Variants in ARHGAP42 observed in about 807,000 individuals in gnomAD.
ARHGAP42 encodes rho GTPase-activating protein 42.
ARHGAP42 carries 63 observed loss-of-function variants against 125.0 expected under a neutral mutation model. That is an observed-to-expected ratio of 0.50 (90% CI 0.41 to 0.62). The LOEUF is 0.62. Ranked by LOEUF, ARHGAP42 falls within the 20% of genes least tolerant of loss-of-function variation. The pLI is 0.00. For synonymous variants in ARHGAP42, 339 were observed against 351.0 expected, an observed-to-expected ratio of 0.97 and a Z score of 0.38; for missense variants, 766 against 1,024.2, an observed-to-expected ratio of 0.75 and a Z score of 3.44.
chr11:100,884,912 T>G (rs1679953777), intron 4 of ARHGAP42, among the ~76,000 whole-genome samples: 1 of 152,128 alleles, frequency 6.6e-6, no homozygotes, highest in South Asian at 2.1e-4. Context: ...CCTTGCAGAT[T>G]TAAATCCAGC....
intron 17 of ARHGAP42, among the ~76,000 whole-genome samples, chr11:100,970,038 G>C (rs753694012): frequency 6.6e-6 from 1 of 151,878 alleles, no homozygotes; most frequent in African/African-American, 2.4e-5. Context: ...ACCCAGGCTG[G>C]AGTGCAGTGG....
rs760216388 is a variant in ARHGAP42 at position 100,992,437 on chromosome 11, AT to A, written c.*3638del. On this transcript the variant is annotated 3_prime_UTR_variant, in exon 24 of 24. Coordinates refer to ENST00000298815, the MANE Select transcript of ARHGAP42 (RefSeq NM_152432.4). ...CTAAAGGTTTCCCCTTAGGGTACAC[AT>A]TGCTATTTAACTTTGCCTCCTACCC... 6.2e-7 allele frequency: 1 copy of A among 1,614,120 alleles called. No individual in the cohort carries two copies.
chr11:100,956,189 T>C (rs1472564922), intron 12 of ARHGAP42, among the ~76,000 whole-genome samples: 1 of 146,640 alleles, frequency 6.8e-6, no homozygotes. Context: ...GGACATCATA[T>C]TCCAGTTAAG....
chr11:100,894,650 TGC>T (rs1866299850), intron 4 of ARHGAP42, among the ~76,000 whole-genome samples: 1 of 152,200 alleles, frequency 6.6e-6, no homozygotes, highest in African/African-American at 2.4e-5. Flanking sequence ...TTATCATGTT[TGC>T]TTCACAAGCA....
intron 4 of ARHGAP42, among the ~76,000 whole-genome samples, chr11:100,872,470 A>G (rs1865719960): frequency 6.6e-6 from 1 of 151,986 alleles, no homozygotes; most frequent in Non-Finnish European, 1.5e-5. Flanking sequence ...ATCTCAGTTC[A>G]CTGCAACCTC....
intron 1 of ARHGAP42, among the ~76,000 whole-genome samples, chr11:100,699,138 G>A (rs1236727160): frequency 4.0e-5 from 6 of 151,880 alleles, no homozygotes; most frequent in African/African-American, 1.5e-4. Flanking sequence ...CCTAAACTTT[G>A]GGCCCGATTT....
At chr11:100,833,185 G>T (rs1359287641) in intron 3 of ARHGAP42, among the ~76,000 whole-genome samples, 1 of 152,142 alleles carries the variant, frequency 6.6e-6, no homozygotes, top group Non-Finnish European at 1.5e-5. Flanking sequence ...GGAAATTGAG[G>T]TTTGTACATT....
intron 16 of ARHGAP42, among the ~76,000 whole-genome samples, chr11:100,964,591 G>C (rs1346495603): frequency 6.6e-6 from 1 of 152,168 alleles, no homozygotes; most frequent in Non-Finnish European, 1.5e-5. Context: ...ATTTGGTATA[G>C]TGGGCAATCA....
chr11:100,948,302 T>C (rs1868076640), intron 10 of ARHGAP42, among the ~76,000 whole-genome samples, 155 bp from the exon 11 acceptor site: 1 of 152,122 alleles, frequency 6.6e-6, no homozygotes, highest in African/African-American at 2.4e-5. Context: ...TATACTTCAG[T>C]CTTTTTCTTT....
intron 4 of ARHGAP42, among the ~76,000 whole-genome samples, chr11:100,876,831 A>T (rs1400615326): frequency 2.6e-5 from 4 of 152,194 alleles, no homozygotes; most frequent in Admixed American, 2.6e-4. Flanking sequence ...CTGTATTTAG[A>T]GTTGATTTTA....
At chr11:100,772,896 G>A (rs747418774) in intron 2 of ARHGAP42, among the ~76,000 whole-genome samples, 2 of 152,174 alleles carry the variant, frequency 1.3e-5, no homozygotes, top group Admixed American at 6.5e-5. Context: ...GAGTGCAGTG[G>A]CATGATCTCG....
At chr11:100,971,234 ATAAT>A (rs1858236817) in intron 17 of ARHGAP42, among the ~76,000 whole-genome samples, 1 of 152,110 alleles carries the variant, frequency 6.6e-6, no homozygotes, top group Non-Finnish European at 1.5e-5. Context: ...GTTTTAAATA[ATAAT>A]TTTTATCCTT....
intron 3 of ARHGAP42, among the ~76,000 whole-genome samples, chr11:100,824,262 A>G (rs1367883651): frequency 1.3e-5 from 2 of 152,266 alleles, no homozygotes; most frequent in East Asian, 1.9e-4. Context: ...TTTTCTGCAC[A>G]TGCTTACATA....
At chr11:100,713,950 A>G (rs1272608032) in intron 1 of ARHGAP42, among the ~76,000 whole-genome samples, 1 of 152,212 alleles carries the variant, frequency 6.6e-6, no homozygotes, top group Non-Finnish European at 1.5e-5. Context: ...CAAAATTGTT[A>G]TGCCACAATC....
At chr11:100,883,678 A>G (rs1053476430) in intron 4 of ARHGAP42, among the ~76,000 whole-genome samples, 2 of 152,184 alleles carry the variant, frequency 1.3e-5, no homozygotes, top group African/African-American at 4.8e-5. Context: ...GTTATATAAA[A>G]TATCTGTTGT....
chr11:100,830,282 T>G (rs1214915352), intron 3 of ARHGAP42, among the ~76,000 whole-genome samples: 1 of 152,324 alleles, frequency 6.6e-6, no homozygotes, highest in African/African-American at 2.4e-5. Context: ...ATTGCCTCAG[T>G]AAGTAAAAAT....
chr11:100,977,891 A>G (rs951317122), intron 21 of ARHGAP42, among the ~76,000 whole-genome samples: 7 of 152,214 alleles, frequency 4.6e-5, no homozygotes, highest in African/African-American at 1.7e-4. Context: ...TTAAAAGTCC[A>G]GTAAGACATT....
intron 2 of ARHGAP42, among the ~76,000 whole-genome samples, chr11:100,775,458 A>C (rs1017648493): frequency 6.6e-6 from 1 of 152,234 alleles, no homozygotes; most frequent in African/African-American, 2.4e-5. Context: ...TACCCATTGC[A>C]TCAGTCCTGG....
At chr11:100,818,565 G>A (rs1429510515) in intron 3 of ARHGAP42, among the ~76,000 whole-genome samples, 1 of 152,164 alleles carries the variant, frequency 6.6e-6, no homozygotes, top group Non-Finnish European at 1.5e-5. Context: ...GAGGAGAGAA[G>A]GAAATGCCAG....
Sources: allele counts gnomAD v4.1 joint callset (sites outside exome capture counted in the v4.1 genomes callset), GRCh38; gene constraint gnomAD v4.1.1; transcripts MANE v1.5; gene names NCBI Gene and HGNC (gene_info 2026-07-23, HGNC 2026-07-21).